PTPRD: variants seen among roughly 807,000 people sequenced by gnomAD.
The protein encoded by PTPRD is receptor-type tyrosine-protein phosphatase delta.
In PTPRD, 34 loss-of-function variants were observed where a neutral mutation model predicts 214.5. The observed-to-expected ratio is 0.16, with a 90% CI of 0.12 to 0.21. The LOEUF (loss-of-function observed/expected upper bound fraction) is 0.21. Ranked by LOEUF, PTPRD falls within the 10% of genes least tolerant of loss-of-function variation. PTPRD has a pLI of 1.00. For synonymous variants in PTPRD, 1,128 were observed against 845.7 expected, an observed-to-expected ratio of 1.33 and a Z score of -5.79; for missense variants, 2,545 against 2,398.7, an observed-to-expected ratio of 1.06 and a Z score of -1.27.
chr9:10,441,561 T>C (rs2098758541), intron 2 of PTPRD, among the ~76,000 whole-genome samples: 1 of 151,692 alleles, frequency 6.6e-6, no homozygotes, highest in African/African-American at 2.4e-5. Flanking sequence ...TTTTTTTTCC[T>C]TTCTGTTCTC....
intron 27 of PTPRD, among the ~76,000 whole-genome samples, chr9:8,491,895 C>T (rs1333655095): frequency 4.6e-5 from 7 of 152,064 alleles, no homozygotes; most frequent in Admixed American, 1.3e-4. Flanking sequence ...AGAAGTGATT[C>T]GGGCAGAGTA....
intron 11 of PTPRD, among the ~76,000 whole-genome samples, chr9:8,919,784 T>C (rs1022936283): frequency 6.6e-6 from 1 of 150,696 alleles, no homozygotes; most frequent in Non-Finnish European, 1.5e-5. Context: ...TGCACATCTA[T>C]GCACAATACA....
chr9:9,973,600 GGAAGAAGCTGCATTCTC>G (rs1227578870), intron 4 of PTPRD, among the ~76,000 whole-genome samples: 1 of 152,124 alleles, frequency 6.6e-6, no homozygotes, highest in African/African-American at 2.4e-5. Flanking sequence ...CGCTAGGAAA[GGAAGAAGCTGCATTCTC>G]TTTATATCTG....
chr9:9,112,979 G>A (rs1254028206), intron 10 of PTPRD, among the ~76,000 whole-genome samples: 1 of 135,800 alleles, frequency 7.4e-6, no homozygotes, highest in Non-Finnish European at 1.6e-5. Context: ...TTTTTTTTTT[G>A]TTTGAGACAG....
At chr9:10,161,968 G>GA (rs1245775339) in intron 3 of PTPRD, among the ~76,000 whole-genome samples, 1 of 151,480 alleles carries the variant, frequency 6.6e-6, no homozygotes, top group African/African-American at 2.4e-5. Flanking sequence ...CTAATCATCA[G>GA]AAAAATGCAA....
In PTPRD at chr9:9,597,621, T is replaced by G. The variant is rs1014215162; in HGVS notation, c.-286-22840A>C. The stretch of plus-strand genomic sequence containing the variant: ...ACAAAGCTGGGGGAAGTCAACAGTA[T>G]CACATATAGTAGAGAAAGAAGTCAA... On this transcript the variant is annotated intron_variant, in intron 7 of 45. Transcript: ENST00000381196. 3.3e-5 allele frequency among the ~76,000 whole-genome samples: 5 copies of G among 151,958 alleles called. No homozygotes were observed. In the East Asian group the frequency reaches 9.7e-4, roughly 29 times the overall value.
intron 11 of PTPRD, among the ~76,000 whole-genome samples, chr9:8,830,842 A>G (rs1434257): frequency 0.71 from 108,202 of 152,008 alleles, 39,091 homozygotes; most frequent in African/African-American, 0.84. Context: ...ACCCTACTAG[A>G]GTGTAAACTG....
chr9:9,933,068 C>T (rs1274219855), intron 5 of PTPRD, among the ~76,000 whole-genome samples: 21 of 152,090 alleles, frequency 1.4e-4, no homozygotes, highest in African/African-American at 5.1e-4. Flanking sequence ...AAAACAGCTC[C>T]TGAAGGAAGC....
chr9:10,446,298 A>G (rs73408138), intron 2 of PTPRD, among the ~76,000 whole-genome samples: 14,072 of 151,924 alleles, frequency 0.093, 1,115 homozygotes, highest in African/African-American at 0.21. Flanking sequence ...TGAAGAGAGT[A>G]GGAAAGGTCT....
intron 4 of PTPRD, among the ~76,000 whole-genome samples, chr9:9,951,641 T>A (rs930067362): frequency 1.3e-5 from 2 of 152,226 alleles, no homozygotes; most frequent in Non-Finnish European, 2.9e-5. Context: ...TACAAGTTAA[T>A]GTCGTTCTCC....
chr9:9,066,980 T>C (rs1380948678), intron 10 of PTPRD, among the ~76,000 whole-genome samples: 2 of 152,218 alleles, frequency 1.3e-5, no homozygotes, highest in Non-Finnish European at 2.9e-5. Flanking sequence ...CCATGGCTCA[T>C]GCCTGTAATC....
In PTPRD at chr9:10,391,267, A is replaced by G. The variant is rs561605610; in HGVS notation, c.-599-50250T>C. On this transcript the variant is annotated intron_variant, in intron 2 of 45. Transcript: ENST00000381196. ...GAAGCAACATATCAGGATGAGAGAT[A>G]TTTGATTATTTTTGTGGTTTGGACA... is the stretch of plus-strand genomic sequence containing the variant. Among the ~76,000 whole-genome samples the G allele has an allele frequency of 4.0e-5, 6 of 151,898 alleles. No individual in the cohort carries two copies. In the East Asian group the frequency reaches 7.8e-4, roughly 20 times the overall value.
intron 9 of PTPRD, among the ~76,000 whole-genome samples, chr9:9,306,839 G>A (rs1957308847): frequency 6.6e-6 from 1 of 152,008 alleles, no homozygotes; most frequent in South Asian, 2.1e-4. Flanking sequence ...AATCCAAATC[G>A]TTAGCAAGAT....
At chr9:10,468,802 G>A (rs1488059085) in intron 2 of PTPRD, among the ~76,000 whole-genome samples, 9 of 151,886 alleles carry the variant, frequency 5.9e-5, no homozygotes, top group Admixed American at 5.3e-4. Flanking sequence ...AAAAATGAAT[G>A]GTTACTAGGA....
chr9:9,759,809 G>A (rs181865661), intron 6 of PTPRD, among the ~76,000 whole-genome samples: 47 of 151,954 alleles, frequency 3.1e-4, no homozygotes, highest in African/African-American at 1.1e-3. Context: ...CCCCTGCCTC[G>A]GGCTCCCAAA....
intron 7 of PTPRD, among the ~76,000 whole-genome samples, chr9:9,655,109 A>C (rs771076467): frequency 6.6e-6 from 1 of 152,150 alleles, no homozygotes; most frequent in Non-Finnish European, 1.5e-5. Context: ...TTTAATAATT[A>C]AATTGGTATC....
chr9:9,269,286 C>A (rs1394750224), intron 9 of PTPRD, among the ~76,000 whole-genome samples: 1 of 151,182 alleles, frequency 6.6e-6, no homozygotes, highest in African/African-American at 2.4e-5. Context: ...CGGAAACACG[C>A]AAATCAAAAC....
intron 14 of PTPRD, among the ~76,000 whole-genome samples, chr9:8,553,525 T>C (rs907574046): frequency 6.6e-6 from 1 of 152,118 alleles, no homozygotes; most frequent in Non-Finnish European, 1.5e-5. Context: ...ACTTACCCTA[T>C]GCAATCAACT....
At chr9:8,702,312 A>T (rs1240328561) in intron 12 of PTPRD, among the ~76,000 whole-genome samples, 1 of 151,614 alleles carries the variant, frequency 6.6e-6, no homozygotes, top group Non-Finnish European at 1.5e-5. Flanking sequence ...CTTGAAATAA[A>T]GTACTGTGCT....
Sources: allele counts gnomAD v4.1 joint callset (sites outside exome capture counted in the v4.1 genomes callset), GRCh38; gene constraint gnomAD v4.1.1; transcripts MANE v1.5; gene names NCBI Gene and HGNC (gene_info 2026-07-23, HGNC 2026-07-21).